GPR158: variants seen among roughly 807,000 people sequenced by gnomAD.
GPR158 encodes the protein metabotropic glycine receptor.
GPR158 carries 30 observed loss-of-function variants against 78.2 expected under a neutral mutation model. That is an observed-to-expected ratio of 0.38 (90% CI 0.29 to 0.52). GPR158 has a LOEUF of 0.52. Ranked by LOEUF, GPR158 falls within the 20% of genes least tolerant of loss-of-function variation. The probability of loss-of-function intolerance (pLI) is 0.83; values close to 1 mark genes in which losing one functional copy is unlikely to be tolerated. For missense variants in GPR158, 1,463 were observed against 1,523.5 expected, an observed-to-expected ratio of 0.96 and a Z score of 0.66; for synonymous variants, 581 against 591.1, an observed-to-expected ratio of 0.98 and a Z score of 0.25.
At chr10:25,447,635 T>A (rs1835154961) in intron 4 of GPR158, among the ~76,000 whole-genome samples, 2 of 152,300 alleles carry the variant, frequency 1.3e-5, no homozygotes, top group Middle Eastern at 3.4e-3. Context: ...ATGGTAGAAA[T>A]AGCAGAAAGT....
At chr10:25,426,894 A>G (rs1372960425) in intron 4 of GPR158, among the ~76,000 whole-genome samples, 1 of 152,164 alleles carries the variant, frequency 6.6e-6, no homozygotes, top group African/African-American at 2.4e-5. Context: ...GTGAAGCTCG[A>G]TAAAATGATG....
chr10:25,229,076 A>G (rs888065051), intron 2 of GPR158, among the ~76,000 whole-genome samples: 1 of 151,624 alleles, frequency 6.6e-6, no homozygotes. Flanking sequence ...GCTAGCTCGC[A>G]GTTTGTAAGA....
In GPR158 at chr10:25,599,044, C is replaced by T. The variant is rs1564502268; in HGVS notation, c.3418C>T (p.Gln1140Ter). The T allele has an allele frequency of 6.2e-7, 1 of 1,613,872 alleles. No homozygotes were observed. The highest frequency in any genetic ancestry group is 1.1e-5 in the South Asian group (1 of 91,072). ...TGAAAATCTCAACCAAATAGGACAC[C>T]AGGAAAAAAAGACATCTTCTTCTGA... is the stretch of plus-strand genomic sequence containing the variant. ...ENENLNQIGH[Q>*]EKKTSSSEEN... is the part of the protein sequence containing the mutation. Residue 1140 changes from glutamine to a stop codon, truncating the protein, a stop_gained, in exon 11 of 11, where the codon CAG (glutamine) becomes TAG (stop). Transcript: ENST00000376351. LOFTEE classifies it low-confidence loss of function (END_TRUNC).
At chr10:25,487,868 C>T (rs1342502557) in intron 5 of GPR158, among the ~76,000 whole-genome samples, 1 of 152,020 alleles carries the variant, frequency 6.6e-6, no homozygotes, top group Non-Finnish European at 1.5e-5. Context: ...CTGTATACTC[C>T]ATGAGTTTTC....
chr10:25,212,297 G>A (rs1853142192), intron 1 of GPR158, among the ~76,000 whole-genome samples: 1 of 152,148 alleles, frequency 6.6e-6, no homozygotes, highest in Non-Finnish European at 1.5e-5. Context: ...GAAAGGCAAA[G>A]TGTGAGCAGG....
chr10:25,241,413 T>TC lies in GPR158; in HGVS notation c.1008+20256_1008+20257insC, dbSNP rs1564399845. 3.0e-3 allele frequency among the ~76,000 whole-genome samples: 411 copies of TC among 138,384 alleles called. 4 individuals are homozygous for TC. Among genetic ancestry groups the TC allele is most frequent in the Middle Eastern group, 0.018 (5 of 280 alleles). 90.8% of individuals were successfully genotyped at this position (138,384 alleles called of 152,430 possible). On this transcript the variant is annotated intron_variant, in intron 2 of 10. Transcript: ENST00000376351. ...TCTCTTCTCTTCTCTTCTCTTCTCT[T>TC]TTCTTTTCTTTTCTTTTCTTTTCTT...
At chr10:25,381,762 CTTA>C (rs1834158233) in intron 2 of GPR158, among the ~76,000 whole-genome samples, 1 of 152,078 alleles carries the variant, frequency 6.6e-6, no homozygotes, top group Admixed American at 6.5e-5. Flanking sequence ...TTCATATTAA[CTTA>C]TTTTGTTTAG....
At chr10:25,373,916 G>A (rs1329261) in intron 2 of GPR158, among the ~76,000 whole-genome samples, 123,416 of 151,540 alleles carry the variant, frequency 0.81, 51,268 homozygotes, top group Non-Finnish European at 0.87. Context: ...GCTTTTTAAT[G>A]TAATGGATAT....
chr10:25,422,381 A>T (rs1834762976), intron 4 of GPR158, among the ~76,000 whole-genome samples: 1 of 152,060 alleles, frequency 6.6e-6, no homozygotes, highest in Non-Finnish European at 1.5e-5. Flanking sequence ...CCCTATTGTG[A>T]ACTGCACATG....
intron 5 of GPR158, among the ~76,000 whole-genome samples, chr10:25,543,072 G>A (rs577495407): frequency 6.6e-6 from 1 of 152,110 alleles, no homozygotes; most frequent in South Asian, 2.1e-4. Context: ...GTACCTGAGA[G>A]GAAAGCCTGG....
At chr10:25,361,133 G>A (rs1855633138) in intron 2 of GPR158, among the ~76,000 whole-genome samples, 1 of 151,438 alleles carries the variant, frequency 6.6e-6, no homozygotes, top group African/African-American at 2.4e-5. Context: ...ACTACTTTCT[G>A]TTTCCATTAA....
chr10:25,383,844 A>G (rs945059785), intron 2 of GPR158, among the ~76,000 whole-genome samples: 1 of 152,270 alleles, frequency 6.6e-6, no homozygotes, highest in Middle Eastern at 3.4e-3. Flanking sequence ...CTGTGAGCCT[A>G]TACTTCCTAG....
At chr10:25,549,039 C>T (rs1353577359) in intron 5 of GPR158, among the ~76,000 whole-genome samples, 1 of 152,098 alleles carries the variant, frequency 6.6e-6, no homozygotes, top group Non-Finnish European at 1.5e-5. Context: ...CTAGAGAAAG[C>T]GTGGTGGATA....
intron 7 of GPR158, among the ~76,000 whole-genome samples, chr10:25,575,127 A>T (rs999842138): frequency 5.3e-5 from 8 of 152,124 alleles, no homozygotes; most frequent in Non-Finnish European, 8.8e-5. Flanking sequence ...ACATGGAGGA[A>T]ATGCCTACCT....
chr10:25,442,491 C>T (rs774031126), intron 4 of GPR158, among the ~76,000 whole-genome samples: 1 of 151,946 alleles, frequency 6.6e-6, no homozygotes, highest in Non-Finnish European at 1.5e-5. Flanking sequence ...TGGGCAATCT[C>T]AGACATTTTC....
At chr10:25,213,212 C>CAGT (rs1293952914) in intron 1 of GPR158, among the ~76,000 whole-genome samples, 2 of 151,886 alleles carry the variant, frequency 1.3e-5, no homozygotes, top group African/African-American at 4.8e-5. Context: ...TACATAGCAT[C>CAGT]AGTGATACAG....
At chr10:25,537,285 G>A (rs1168383775) in intron 5 of GPR158, among the ~76,000 whole-genome samples, 2 of 151,974 alleles carry the variant, frequency 1.3e-5, no homozygotes, top group Non-Finnish European at 2.9e-5. Flanking sequence ...AGCTCTTTCA[G>A]CCTTAATATA....
chr10:25,369,109 G>T (rs1416742299), intron 2 of GPR158, among the ~76,000 whole-genome samples: 2 of 151,674 alleles, frequency 1.3e-5, no homozygotes, highest in Admixed American at 1.3e-4. Context: ...CATGTCATCT[G>T]CAAACAGGGA....
intron 2 of GPR158, among the ~76,000 whole-genome samples, chr10:25,395,385 G>A (rs1395177935): frequency 6.6e-6 from 1 of 151,772 alleles, no homozygotes; most frequent in Non-Finnish European, 1.5e-5. Context: ...AAATTTACTT[G>A]TTTTATTATT....
Sources: gnomAD v4.1 joint callset for allele counts (sites outside exome capture counted in the v4.1 genomes callset) on GRCh38, gnomAD v4.1.1 for gene constraint, MANE v1.5 for transcripts, NCBI Gene and HGNC (gene_info 2026-07-23, HGNC 2026-07-21) for gene names.